The following MGAM variants were observed in gnomAD, a reference collection of about 807,000 sequenced individuals.
The protein encoded by MGAM is alpha-1,4-glucosidase.
A neutral mutation model predicts 358.8 loss-of-function variants in MGAM; 253 were observed. That is an observed-to-expected ratio of 0.71 (90% CI 0.64 to 0.78). The LOEUF (loss-of-function observed/expected upper bound fraction) is 0.78, where lower values mean the gene tolerates loss of function less well. MGAM is among the 30% of genes least tolerant of loss of function. The probability of loss-of-function intolerance (pLI) is 0.00; values close to 1 mark genes in which losing one functional copy is unlikely to be tolerated. For synonymous variants in MGAM, 1,105 were observed against 1,227.1 expected (o/e 0.90, Z 2.08); for missense variants, 3,080 against 3,432.6 (o/e 0.90, Z 2.57).
chr7:141,989,550 T>TC (rs1803853318), intron 2 of MGAM, among the ~76,000 whole-genome samples: 1 of 146,806 alleles, frequency 6.8e-6, no homozygotes, highest in Non-Finnish European at 1.5e-5. Flanking sequence ...TGTTCTTCTT[T>TC]CTTTTTTTTT....
intron 3 of MGAM, among the ~76,000 whole-genome samples, chr7:142,018,962 T>C (rs1222503681): frequency 6.6e-6 from 1 of 152,114 alleles, no homozygotes. Flanking sequence ...TGATAAAAGT[T>C]ATAGAATGCA....
upstream of MGAM, among the ~76,000 whole-genome samples, chr7:141,991,158 G>C (rs953783943): frequency 3.3e-5 from 5 of 152,166 alleles, no homozygotes; most frequent in Non-Finnish European, 5.9e-5. Flanking sequence ...ACTGCATAGC[G>C]TAGTTACCAG....
intron 70 of MGAM, among the ~76,000 whole-genome samples, chr7:142,104,751 C>T (rs1472261143): frequency 3.3e-5 from 5 of 152,150 alleles, no homozygotes; most frequent in Admixed American, 6.5e-5. Context: ...TTACAAGACA[C>T]GCTCTTGTCA....
At position 142,074,265 on chromosome 7, in the gene MGAM, A is replaced by G. The variant is rs143691778; in HGVS notation, c.5275+92A>G. The stretch of plus-strand genomic sequence containing the variant: ...TGCTGGTCATTCAGCTGTGGGAGAA[A>G]TCTCAGCAGGCACAGTAGCAAGAGT... On this transcript the variant is annotated intron_variant, in intron 45 of 70. Transcript: ENST00000475668. 3.1e-3 allele frequency: 2,939 copies of G among 944,304 alleles called. 162 individuals carry two copies. The African/African-American group carries it at 0.04, about 13-fold the overall frequency. 58.5% of individuals were successfully genotyped at this position (944,304 alleles called of 1,614,324 possible). A position where few individuals can be genotyped will look rare whatever the true frequency, so the allele number is the denominator to read the frequency against.
intron 9 of MGAM, 125 bp downstream of exon 9, chr7:142,027,352 C>A: frequency 1.2e-6 from 1 of 834,208 alleles, no homozygotes; most frequent in Non-Finnish European, 1.9e-6. Context: ...TATTAAAGAA[C>A]AGATTTCATA....
At chr7:142,057,600 T>G in intron 30 of MGAM, among the ~76,000 whole-genome samples, 1 of 118,992 alleles carries the variant, frequency 8.4e-6, no homozygotes, top group African/African-American at 3.3e-5. Context: ...ATAATGGTAA[T>G]GGTGGTGGGG....
intron 54 of MGAM, among the ~76,000 whole-genome samples, chr7:142,085,445 C>A (rs1045558588): frequency 6.9e-6 from 1 of 145,274 alleles, no homozygotes; most frequent in African/African-American, 2.4e-5. Flanking sequence ...TTGTATTAGC[C>A]CTGGGTAGTT....
At chr7:142,105,722 G>A (rs36052135) in intron 70 of MGAM, 92 bp from the exon 71 acceptor site, 137,591 of 890,130 alleles carry the variant, frequency 0.15, 11,727 homozygotes, top group African/African-American at 0.21. Flanking sequence ...AGTATTAGGG[G>A]GTTATTTGGA....
intron 44 of MGAM, among the ~76,000 whole-genome samples, chr7:142,073,134 G>A (rs1813475394): frequency 6.8e-6 from 1 of 146,022 alleles, no homozygotes; most frequent in South Asian, 2.2e-4. Context: ...AATTTGTGTT[G>A]TTTTCACTGT....
chr7:142,056,377 A>T (rs900022927), intron 29 of MGAM, among the ~76,000 whole-genome samples: 2 of 152,190 alleles, frequency 1.3e-5, no homozygotes, highest in Non-Finnish European at 2.9e-5. Context: ...AGAGCCAGTT[A>T]TATAATTTGA....
At position 142,082,454 on chromosome 7, in the gene MGAM, C is replaced by T; in HGVS notation, c.6172-21C>T. 2.0e-6 allele frequency: 3 copies of T among 1,470,338 alleles called. 1 individual carries two copies. The highest frequency in any genetic ancestry group is 2.8e-6 in the Non-Finnish European group (3 of 1,070,392). 91.1% of individuals were successfully genotyped at this position (1,470,338 alleles called of 1,614,324 possible). A position where few individuals can be genotyped will look rare whatever the true frequency, so the allele number is the denominator to read the frequency against. ...CATAATGTCTTTTAAACTCCTACTG[C>T]TTCTCCCCATGACTCTCCAGTACAA... On this transcript the variant is annotated intron_variant, in intron 51 of 70. Transcript: ENST00000475668.
At position 142,056,211 on chromosome 7, in the gene MGAM, T is replaced by A. The variant is rs1180992231; in HGVS notation, c.3580+115T>A. ...GGCAAAATCTTCATTTTACGGGCACTGCTGTTTATTTTTTCTTTGTGTTTA... is the reference window on the plus strand; with the variant it reads ...GGCAAAATCTTCATTTTACGGGCACAGCTGTTTATTTTTTCTTTGTGTTTA... On this transcript the variant is annotated intron_variant, in intron 29 of 70. Coordinates refer to ENST00000475668, the MANE Select transcript of MGAM (RefSeq NM_001365693.1). 1.5e-5 allele frequency: 14 copies of A among 907,682 alleles called. No individual in the cohort carries two copies. In the African/African-American group the frequency reaches 2.2e-4, roughly 14 times the overall value. 56.2% of individuals were successfully genotyped at this position (907,682 alleles called of 1,614,324 possible).
chr7:142,021,012 G>A lies in MGAM; in HGVS notation c.487G>A (p.Val163Met). ...GTTGAAAAATCTGCCTTCTTCACCA[G>A]TGTTTGGAAGCAATGTTGACAATGT... ...ARLKNLPSSP[V>M]FGSNVDNVLL... is the part of the protein sequence containing the mutation. Residue 163 changes from valine to methionine, a missense_variant, in exon 5 of 71, where the codon GTG becomes ATG. By Grantham distance (21) the Val-to-Met change is conservative (BLOSUM62 1). Around this residue, in one of 5 missense-constraint regions of MGAM, gnomAD observed 1,816 missense variants for 1,840.5 expected, o/e 0.99. Transcript: ENST00000475668. The A allele has an allele frequency of 6.2e-7, 1 of 1,613,708 alleles. No homozygotes were observed. The highest frequency in any genetic ancestry group is 8.5e-7 in the Non-Finnish European group (1 of 1,179,764).
At position 142,018,495 on chromosome 7, in the gene MGAM, A is replaced by G. The variant is rs542684445; in HGVS notation, c.328-704A>G. Among the ~76,000 whole-genome samples the G allele has an allele frequency of 1.7e-3, 253 of 152,344 alleles. 1 individual carries two copies. The highest frequency in any genetic ancestry group is 5.8e-3 in the African/African-American group (241 of 41,586). On this transcript the variant is annotated intron_variant, in intron 3 of 70. Coordinates refer to ENST00000475668, the MANE Select transcript of MGAM (RefSeq NM_001365693.1). ...CTATTACTTGCAAATCACTTGATTC[A>G]GCATGCACTCAAGAGGAGAGAGTTC...
intron 50 of MGAM, 141 bp downstream of exon 50, chr7:142,081,086 A>T (rs6972071): frequency 6.9e-6 from 6 of 867,562 alleles, no homozygotes; most frequent in Admixed American, 6.8e-5. Flanking sequence ...CTTCAGACCT[A>T]TTCTTACAGG....
chr7:142,035,407 A>G (rs567493569), intron 16 of MGAM, among the ~76,000 whole-genome samples: 1 of 152,312 alleles, frequency 6.6e-6, no homozygotes, highest in African/African-American at 2.4e-5. Flanking sequence ...AACTAGGGTA[A>G]AAAGACCAAC....
intron 65 of MGAM, among the ~76,000 whole-genome samples, 200 bp from the exon 66 acceptor site, chr7:142,097,392 GC>G (rs1297537580): frequency 6.6e-6 from 1 of 151,976 alleles, no homozygotes; most frequent in African/African-American, 2.4e-5. Context: ...CTTTATGAAA[GC>G]CACTTGTTTT....
chr7:142,066,631 A>C lies in MGAM; in HGVS notation c.4829A>C (p.Gln1610Pro). ...GTGAATATTTCCAGAAATGTCCTGC[A>C]GACCAGATACACCCTGTTGCCATAT... ...AFVNISRNVL[Q>P]TRYTLLPYLY... The change falls in exon 41 of 71, where the codon CAG becomes CCG. Residue 1610 changes from glutamine (Q) to proline (P), a missense_variant. Coordinates refer to ENST00000475668, the MANE Select transcript of MGAM (RefSeq NM_001365693.1). 1 of 1,555,984 alleles carries C rather than the reference A, an allele frequency of 6.4e-7. No homozygotes were observed. Among genetic ancestry groups the C allele is most frequent in the Non-Finnish European group, 8.8e-7 (1 of 1,132,538 alleles).
chr7:141,994,325 C>CA (rs1554447958), upstream of MGAM, among the ~76,000 whole-genome samples: 1 of 152,140 alleles, frequency 6.6e-6, no homozygotes, highest in Non-Finnish European at 1.5e-5. Flanking sequence ...CAAGAGCAGG[C>CA]AAAAACTTCT....
Sources: gnomAD v4.1 joint callset for allele counts (sites outside exome capture counted in the v4.1 genomes callset) on GRCh38, gnomAD v4.1.1 for gene constraint, gnomAD v4.1.1 regional missense constraint, MANE v1.5 for transcripts, NCBI Gene and HGNC (gene_info 2026-07-23, HGNC 2026-07-21) for gene names.